Variants in LIPG observed in about 807,000 individuals in gnomAD.
The protein encoded by LIPG is endothelial lipase.
In LIPG, 34 loss-of-function variants were observed where a neutral mutation model predicts 51.8. That is an observed-to-expected ratio of 0.66 (90% confidence interval 0.50 to 0.87). The LOEUF is 0.87. Ranked by LOEUF, LIPG falls within the 40% of genes least tolerant of loss-of-function variation. The pLI is 0.00. For missense variants in LIPG, 580 were observed against 652.7 expected (o/e 0.89, Z 1.21); for synonymous variants, 246 against 246.1 (o/e 1.00, Z 0.00).
In LIPG at chr18:49,569,374, C is replaced by T. The variant is rs951011374; in HGVS notation, c.460-63C>T. The T allele has an allele frequency of 3.8e-5, 52 of 1,356,112 alleles. 1 individual carries two copies. In the East Asian group the frequency reaches 1.1e-3, roughly 30 times the overall value. 84.0% of individuals were successfully genotyped at this position (1,356,112 alleles called of 1,614,324 possible). A position where few individuals can be genotyped will look rare whatever the true frequency, so the allele number is the denominator to read the frequency against. ...GCTCCGTGACTGAGTTGTTGAACTGCTGGTGATTCTGGGGGCTCTGGACCC... is the reference window on the plus strand; with the variant it reads ...GCTCCGTGACTGAGTTGTTGAACTGTTGGTGATTCTGGGGGCTCTGGACCC... On this transcript the variant is annotated intron_variant, in intron 3 of 9. Coordinates refer to ENST00000261292, the MANE Select transcript of LIPG (RefSeq NM_006033.4).
At chr18:49,567,680 T>G (rs746916501) in intron 3 of LIPG, 59 bp downstream of exon 3, 1 of 1,561,872 alleles carries the variant, frequency 6.4e-7, no homozygotes, top group South Asian at 1.1e-5. Context: ...CCAATCTTCT[T>G]AAGAAATGCA....
At chr18:49,579,013 A>ACCGTG (rs1555778266) in intron 5 of LIPG, among the ~76,000 whole-genome samples, 115 of 646 alleles carry the variant, frequency 0.18, 2 homozygotes, top group African/African-American at 0.41. Context: ...GGAGAGGGAG[A>ACCGTG]GGGAGAGGGA....
rs2084954714 is a variant in LIPG at position 49,592,387 on chromosome 18, C to T, written c.*1865C>T. 6.6e-6 allele frequency: 1 copy of T among 152,160 alleles called. No individual in the cohort carries two copies. The highest frequency in any genetic ancestry group is 1.5e-5 in the Non-Finnish European group (1 of 68,032). The allele number at this position is 152,160 out of a possible 1,614,324, so 9.4% of individuals were successfully genotyped here. On this transcript the variant is annotated 3_prime_UTR_variant, in exon 10 of 10. Coordinates refer to ENST00000261292, the MANE Select transcript of LIPG (RefSeq NM_006033.4). ...TCAGATTTTGGAATGTTTGCATATA[C>T]ATAATGAGATATTTTGGGAATAGGA...
At chr18:49,575,060 T>C (rs970371795) in intron 4 of LIPG, among the ~76,000 whole-genome samples, 4 of 152,210 alleles carry the variant, frequency 2.6e-5, no homozygotes, top group African/African-American at 9.6e-5. Context: ...GAGCAGTTCC[T>C]TGGAGCTGTG....
At chr18:49,561,704 G>T (rs1011772136), upstream of LIPG, 1 of 1,244,686 alleles carries the variant, frequency 8.0e-7, no homozygotes, top group Non-Finnish European at 1.0e-6. Context: ...CTTCTCCAGG[G>T]ATCGCCTCCC....
Position 49,567,599 on chromosome 18 carries a change from C to T in LIPG, c.437C>T (p.Ala146Val). 6.2e-7 allele frequency: 1 copy of T among 1,613,972 alleles called. No individual in the cohort carries two copies. Among genetic ancestry groups the T allele is most frequent in the Non-Finnish European group, 8.5e-7 (1 of 1,179,996 alleles). The change falls in exon 3 of 10, where the codon GCC becomes GTC. Residue 146 changes from alanine to valine, a missense_variant. By Grantham distance (64) the Ala-to-Val change is moderately conservative (BLOSUM62 0). Coordinates refer to ENST00000261292, the MANE Select transcript of LIPG (RefSeq NM_006033.4). Reference sequence around the variant, plus strand: ...ACCAGGGTGGTGGGACACAGCATTGCCAGGATGCTCGACTGGCTGCAGGTA... The same window carrying T: ...ACCAGGGTGGTGGGACACAGCATTGTCAGGATGCTCGACTGGCTGCAGGTA... The part of the protein sequence containing the change: ...NNTRVVGHSI[A>V]RMLDWLQEKD...
chr18:49,581,208 G>A (rs1056310266), intron 5 of LIPG, among the ~76,000 whole-genome samples: 7 of 152,234 alleles, frequency 4.6e-5, no homozygotes, highest in Non-Finnish European at 1.0e-4. Flanking sequence ...TGCTGTGAGC[G>A]GGGGGTCGTG....
At chr18:49,577,053 T>C (rs1053540688) in intron 5 of LIPG, among the ~76,000 whole-genome samples, 2 of 150,618 alleles carry the variant, frequency 1.3e-5, no homozygotes, top group Admixed American at 6.6e-5. Context: ...AATTCTTGGG[T>C]GTTTCTCACA....
chr18:49,583,868 A>G, intron 8 of LIPG, 94 bp downstream of exon 8: 1 of 1,125,800 alleles, frequency 8.9e-7, no homozygotes, highest in Non-Finnish European at 1.3e-6. Flanking sequence ...ATCTACCCTC[A>G]ATCCTTCCCT....
Position 49,575,436 on chromosome 18 carries a change from A to G in LIPG, c.639A>G (p.Ala213=). 1 of 1,614,164 alleles carries G rather than the reference A, an allele frequency of 6.2e-7. No individual in the cohort carries two copies. The highest frequency in any genetic ancestry group is 1.1e-5 in the South Asian group (1 of 91,082). ...ACAAGAGGCTCTCTCCGGACGATGC[A>G]GATTTTGTGGATGTCCTCCACACCT... The part of the protein sequence containing the change: ...DIHKRLSPDD[A]DFVDVLHTYT... Residue 213 remains alanine (A), a synonymous_variant, in exon 5 of 10, where the codon GCA becomes GCG. Transcript: ENST00000261292.
intron 1 of LIPG, among the ~76,000 whole-genome samples, chr18:49,562,942 C>T (rs903649491): frequency 6.6e-6 from 1 of 152,184 alleles, no homozygotes; most frequent in African/African-American, 2.4e-5. Flanking sequence ...GGTTGCCAGC[C>T]TTTTCCTCTT....
At chr18:49,567,877 T>G (rs1600544612) in intron 3 of LIPG, 1 of 453,682 alleles carries the variant, frequency 2.2e-6, no homozygotes, top group Non-Finnish European at 3.9e-6. Context: ...ATGGGTTGTT[T>G]CTTCCTGATC....
chr18:49,563,332 G>T (rs1052256282), intron 1 of LIPG, among the ~76,000 whole-genome samples: 1 of 152,168 alleles, frequency 6.6e-6, no homozygotes, highest in Non-Finnish European at 1.5e-5. Flanking sequence ...CCTAGGGCAG[G>T]TCTCATCTCT....
At chr18:49,583,031 G>C (rs2084840045) in intron 7 of LIPG, among the ~76,000 whole-genome samples, 1 of 152,170 alleles carries the variant, frequency 6.6e-6, no homozygotes, top group Non-Finnish European at 1.5e-5. Flanking sequence ...ACACAGGTAG[G>C]GCAAGGCAGA....
In LIPG at chr18:49,583,726, A is replaced by T; in HGVS notation, c.1328A>T (p.Glu443Val). 1 of 1,614,060 alleles carries T rather than the reference A, an allele frequency of 6.2e-7. No homozygotes were observed. The highest frequency in any genetic ancestry group is 1.1e-5 in the South Asian group (1 of 91,058). Residue 443 changes from glutamate (E) to valine (V), a missense_variant, in exon 8 of 10, where the codon GAG (glutamate) becomes GTG (valine). Coordinates refer to ENST00000261292, the MANE Select transcript of LIPG (RefSeq NM_006033.4). Reference protein sequence around the residue: ...YLSQPRNPGRELNIRRIRVKS... With the variant: ...YLSQPRNPGRVLNIRRIRVKS... Reference sequence around the variant, plus strand: ...TCTCAACCCCGCAACCCCGGACGGGAGCTGAATATCAGGCGCATCCGGGTG... The same window carrying T: ...TCTCAACCCCGCAACCCCGGACGGGTGCTGAATATCAGGCGCATCCGGGTG...
Position 49,581,446 on chromosome 18 carries a change from G to A in LIPG, c.825G>A (p.Glu275=), listed in dbSNP as rs2084818096. The change falls in exon 6 of 10, where the codon GAG becomes GAA. Residue 275 remains glutamate (E), a synonymous_variant. Coordinates refer to ENST00000261292, the MANE Select transcript of LIPG (RefSeq NM_006033.4). ...CAGAGGTGGTAAAATGTGAGCATGA[G>A]CGAGCCGTCCACCTCTTTGTTGACT... is the stretch of plus-strand genomic sequence containing the variant. ...TITEVVKCEH[E]RAVHLFVDSL... is the part of the protein sequence containing the mutation. 6.2e-7 allele frequency: 1 copy of A among 1,614,190 alleles called. No homozygotes were observed. Among genetic ancestry groups the A allele is most frequent in the Admixed American group, 1.7e-5 (1 of 60,018 alleles).
At chr18:49,588,702 T>A (rs2084910447) in intron 9 of LIPG, among the ~76,000 whole-genome samples, 1 of 152,074 alleles carries the variant, frequency 6.6e-6, no homozygotes, top group South Asian at 2.1e-4. Flanking sequence ...CATGCTGCAA[T>A]CCGTTATTTC....
intron 2 of LIPG, among the ~76,000 whole-genome samples, chr18:49,566,009 C>G (rs2084602896): frequency 6.6e-6 from 1 of 152,186 alleles, no homozygotes; most frequent in African/African-American, 2.4e-5. Flanking sequence ...ATTGAAAAGC[C>G]CATGACAAAC....
At chr18:49,572,858 A>G (rs774201390) in intron 4 of LIPG, among the ~76,000 whole-genome samples, 1 of 152,184 alleles carries the variant, frequency 6.6e-6, no homozygotes, top group Non-Finnish European at 1.5e-5. Context: ...GGACAAAGCA[A>G]CTTTGGAGGA....
Sources: gnomAD v4.1 joint callset for allele counts (sites outside exome capture counted in the v4.1 genomes callset) on GRCh38, gnomAD v4.1.1 for gene constraint, MANE v1.5 for transcripts, NCBI Gene and HGNC (gene_info 2026-07-23, HGNC 2026-07-21) for gene names.